The following MYRFL variants were observed in gnomAD, a reference collection of about 807,000 sequenced individuals.
MYRFL encodes the protein myelin regulatory factor like.
Under a neutral mutation model 109.4 loss-of-function variants are expected in MYRFL, and 88 were observed. The observed-to-expected ratio is 0.80, with a 90% CI of 0.68 to 0.96. MYRFL has a LOEUF of 0.96. Ranked by LOEUF, MYRFL falls within the 40% of genes least tolerant of loss-of-function variation. The probability of loss-of-function intolerance (pLI) is 0.00; values close to 1 mark genes in which losing one functional copy is unlikely to be tolerated. For missense variants in MYRFL, 957 were observed against 954.9 expected (o/e 1.00, Z -0.03); for synonymous variants, 324 against 320.9 (o/e 1.01, Z -0.10).
At chr12:69,872,209 CCTT>C (rs1399161495) in intron 2 of MYRFL, among the ~76,000 whole-genome samples, 1 of 152,164 alleles carries the variant, frequency 6.6e-6, no homozygotes, top group African/African-American at 2.4e-5. Flanking sequence ...ACTGCTTCAC[CCTT>C]CTTGTACACA....
chr12:69,876,957 T>C (rs1885698819), intron 2 of MYRFL, among the ~76,000 whole-genome samples: 2 of 150,710 alleles, frequency 1.3e-5, no homozygotes, highest in South Asian at 2.1e-4. Context: ...GTTGGGGTGA[T>C]GGAGGTAGCT....
chr12:69,924,542 T>C (rs867002317), intron 13 of MYRFL, among the ~76,000 whole-genome samples: 1 of 136,870 alleles, frequency 7.3e-6, no homozygotes. Flanking sequence ...TTGTGGTCTC[T>C]TTTATTTCTT....
At chr12:69,871,223 G>A (rs1885330697) in intron 2 of MYRFL, among the ~76,000 whole-genome samples, 1 of 146,858 alleles carries the variant, frequency 6.8e-6, no homozygotes, top group Non-Finnish European at 1.5e-5. Context: ...AACTCTTTTT[G>A]GATATTTCTT....
At chr12:69,826,001 G>A (rs544213507) in intron 1 of MYRFL, among the ~76,000 whole-genome samples, 28 of 152,192 alleles carry the variant, frequency 1.8e-4, no homozygotes, top group African/African-American at 5.1e-4. Context: ...CTCATTTACA[G>A]AATCTAGGGA....
At chr12:69,915,686 GCC>G in intron 13 of MYRFL, among the ~76,000 whole-genome samples, 1 of 152,166 alleles carries the variant, frequency 6.6e-6, no homozygotes, top group South Asian at 2.1e-4. Context: ...CCTAGTGAAG[GCC>G]CAGTGGCAGG....
In MYRFL at chr12:69,855,571, C is replaced by T. The variant is rs142601419; in HGVS notation, c.137+201C>T. On this transcript the variant is annotated intron_variant, in intron 2 of 24. Coordinates refer to ENST00000552032, the MANE Select transcript of MYRFL (RefSeq NM_182530.3). ...ATTCCAGTCATTCCTCACCTCCACC[C>T]GCAAATTCAGTATATTTAATAGATA... is the stretch of plus-strand genomic sequence containing the variant. Among the ~76,000 whole-genome samples the T allele has an allele frequency of 1.0e-3, 156 of 152,264 alleles. 1 individual carries two copies. In the East Asian group the frequency reaches 0.014, roughly 14 times the overall value.
intron 6 of MYRFL, among the ~76,000 whole-genome samples, chr12:69,888,355 AC>A (rs1381908600): frequency 6.6e-6 from 1 of 152,216 alleles, no homozygotes; most frequent in Non-Finnish European, 1.5e-5. Flanking sequence ...ACAGAAAAAC[AC>A]CCATCTTTTC....
At chr12:69,863,243 A>G (rs1884806127) in intron 2 of MYRFL, among the ~76,000 whole-genome samples, 1 of 152,172 alleles carries the variant, frequency 6.6e-6, no homozygotes, top group Non-Finnish European at 1.5e-5. Flanking sequence ...CGGCGTTGGT[A>G]TCAGGATGAT....
In MYRFL at chr12:69,957,803, T is replaced by TTTTC. The variant is rs1456714150; in HGVS notation, c.2451-15_2451-12dup. On this transcript the variant is annotated intron_variant, in intron 22 of 24. Transcript: ENST00000552032. ...TAACTGCTTTTTCAGGTGCTCTTTC[T>TTTTC]TTTCTTTGTCTCTTGAAGCACAACA... 1 of 1,510,146 alleles carries TTTTC rather than the reference T, an allele frequency of 6.6e-7. No individual in the cohort carries two copies. The highest frequency in any genetic ancestry group is 2.0e-5 in the Admixed American group (1 of 49,778). 93.5% of individuals were successfully genotyped at this position (1,510,146 alleles called of 1,614,324 possible). A position where few individuals can be genotyped will look rare whatever the true frequency, so the allele number is the denominator to read the frequency against.
chr12:69,927,853 C>A (rs1955145165), intron 15 of MYRFL, 105 bp downstream of exon 15: 1 of 1,051,872 alleles, frequency 9.5e-7, no homozygotes, highest in African/African-American at 1.6e-5. Flanking sequence ...TCAGAAAATC[C>A]CTAGTTTGCA....
chr12:69,844,277 C>T (rs182445187), intron 1 of MYRFL, among the ~76,000 whole-genome samples: 43 of 152,282 alleles, frequency 2.8e-4, no homozygotes, highest in African/African-American at 8.7e-4. Flanking sequence ...TGGCCCATCT[C>T]CTATTTCTAC....
At position 69,958,481 on chromosome 12, in the gene MYRFL, G is replaced by C. The variant is rs754427351; in HGVS notation, c.2683G>C (p.Gly895Arg). The C allele has an allele frequency of 1.1e-4, 176 of 1,533,918 alleles. No individual in the cohort carries two copies. Among genetic ancestry groups the C allele is most frequent in the Admixed American group, 1.8e-4 (9 of 50,810 alleles). The change falls in exon 25 of 25, where the codon GGG (glycine) becomes CGG (arginine). Residue 895 changes from glycine (G) to arginine (R), a missense_variant. Coordinates refer to ENST00000552032, the MANE Select transcript of MYRFL (RefSeq NM_182530.3). ...CTGTTCAACTGATCCTTATTTTGCT[G>C]GGATATTCTTCACCGATTACTTCTT... The part of the protein sequence containing the change: ...ADCSTDPYFA[G>R]IFFTDYFFYF...
Position 69,877,442 on chromosome 12 carries a change from TG to T in MYRFL, c.138-1584del, listed in dbSNP as rs1345976700. ...CTGGGCTTTTTGAGTTTTGTTTGAT[TG>T]GAAAACTTCTTGTTGGATCCCTCTG... is the stretch of plus-strand genomic sequence containing the variant. On this transcript the variant is annotated intron_variant, in intron 2 of 24. Transcript: ENST00000552032. Among the ~76,000 whole-genome samples the T allele has an allele frequency of 3.9e-5, 6 of 152,286 alleles. No homozygotes were observed. The East Asian group carries it at 1.2e-3, about 29-fold the overall frequency.
In MYRFL at chr12:69,891,682, T is replaced by TTTCG. The variant is rs147744686; in HGVS notation, c.903+528_903+531dup. 6.5e-3 allele frequency among the ~76,000 whole-genome samples: 655 copies of TTTCG among 101,510 alleles called. 34 individuals are homozygous for TTTCG. Among genetic ancestry groups the TTTCG allele is most frequent in the Middle Eastern group, 0.027 (6 of 226 alleles). 66.6% of individuals were successfully genotyped at this position (101,510 alleles called of 152,430 possible). ...CTTTCTTTCTTTCTTTCTTTCTTTC[T>TTTCG]TTCGTTCGTTCGTTCTTTCTTTCTT... On this transcript the variant is annotated intron_variant, in intron 7 of 24. Coordinates refer to ENST00000552032, the MANE Select transcript of MYRFL (RefSeq NM_182530.3).
intron 2 of MYRFL, among the ~76,000 whole-genome samples, chr12:69,877,930 G>A (rs144439332): frequency 6.6e-6 from 1 of 152,078 alleles, no homozygotes; most frequent in Admixed American, 6.5e-5. Context: ...TTTAGTGGTA[G>A]TACACATTTT....
At chr12:69,843,067 C>G (rs561764560) in intron 1 of MYRFL, among the ~76,000 whole-genome samples, 36 of 152,336 alleles carry the variant, frequency 2.4e-4, no homozygotes, top group Non-Finnish European at 3.1e-4. Context: ...CTGGTTGTGT[C>G]TCTACACACC....
intron 6 of MYRFL, among the ~76,000 whole-genome samples, chr12:69,888,960 C>A (rs1038907226): frequency 2.0e-5 from 3 of 152,116 alleles, no homozygotes; most frequent in Non-Finnish European, 2.9e-5. Context: ...GATTGTGGAG[C>A]CTTTGACTGA....
chr12:69,958,473 A>T lies in MYRFL; in HGVS notation c.2675A>T (p.Tyr892Phe). The change falls in exon 25 of 25, where the codon TAT becomes TTT. Residue 892 changes from tyrosine to phenylalanine, a missense_variant. Coordinates refer to ENST00000552032, the MANE Select transcript of MYRFL (RefSeq NM_182530.3). The part of the protein sequence containing the change: ...PDLADCSTDP[Y>F]FAGIFFTDYF... ...TTAGCTGACTGTTCAACTGATCCTTATTTTGCTGGGATATTCTTCACCGAT... is the reference window on the plus strand; with the variant it reads ...TTAGCTGACTGTTCAACTGATCCTTTTTTTGCTGGGATATTCTTCACCGAT... 6.5e-7 allele frequency: 1 copy of T among 1,530,128 alleles called. No homozygotes were observed. Among genetic ancestry groups the T allele is most frequent in the Non-Finnish European group, 8.7e-7 (1 of 1,145,248 alleles). 94.8% of individuals were successfully genotyped at this position (1,530,128 alleles called of 1,614,324 possible).
At chr12:69,864,072 A>T (rs1017680653) in intron 2 of MYRFL, among the ~76,000 whole-genome samples, 2 of 152,054 alleles carry the variant, frequency 1.3e-5, no homozygotes, top group African/African-American at 4.8e-5. Context: ...CATCTGCAAG[A>T]TATTTTCTTT....
Sources: allele counts gnomAD v4.1 joint callset (sites outside exome capture counted in the v4.1 genomes callset), GRCh38; gene constraint gnomAD v4.1.1; transcripts MANE v1.5; gene names NCBI Gene and HGNC (gene_info 2026-07-23, HGNC 2026-07-21).